Variants in ZNF568 observed in about 807,000 individuals in gnomAD.
ZNF568 encodes p53 inhibitor of SCO2 activation.
A neutral mutation model predicts 18.1 loss-of-function variants in ZNF568; 11 were observed. The ratio of observed to expected loss-of-function variants is 0.61; its 90% CI spans 0.38 to 1.00. The LOEUF (loss-of-function observed/expected upper bound fraction) is 1.00. ZNF568 is among the 50% of genes least tolerant of loss of function. ZNF568 has a pLI of 0.01. For missense variants in ZNF568, 639 were observed against 768.2 expected (o/e 0.83, Z 1.99); for synonymous variants, 213 against 246.6 (o/e 0.86, Z 1.28).
At chr19:36,957,467 G>A (rs548645580), downstream of ZNF568, among the ~76,000 whole-genome samples, 1 of 152,138 alleles carries the variant, frequency 6.6e-6, no homozygotes, top group Admixed American at 6.5e-5. Context: ...CCTGACCTCA[G>A]GTGATCCGCC....
intron 2 of ZNF568, among the ~76,000 whole-genome samples, chr19:36,988,885 G>A (rs948005007): frequency 1.3e-5 from 2 of 151,984 alleles, no homozygotes; most frequent in Non-Finnish European, 2.9e-5. Flanking sequence ...TAGCTATTTT[G>A]TAATATACAA....
intron 6 of ZNF568, among the ~76,000 whole-genome samples, chr19:36,964,384 TG>T (rs2074178433): frequency 6.6e-6 from 1 of 152,218 alleles, no homozygotes; most frequent in Admixed American, 6.5e-5. Context: ...TAAGATCTCC[TG>T]GTGTCCAGAA....
downstream of ZNF568, among the ~76,000 whole-genome samples, chr19:36,984,679 T>C (rs1348874436): frequency 6.6e-6 from 1 of 152,102 alleles, no homozygotes; most frequent in Non-Finnish European, 1.5e-5. Context: ...CTCTCTGATT[T>C]TGGTGTTTGT....
intron 6 of ZNF568, among the ~76,000 whole-genome samples, chr19:36,963,623 C>A (rs1182522680): frequency 6.6e-6 from 1 of 152,072 alleles, no homozygotes; most frequent in East Asian, 1.9e-4. Context: ...ATGACTGGTG[C>A]CCTATTTCAG....
At position 36,920,043 on chromosome 19, in the gene ZNF568, G is replaced by A. The variant is rs540752318; in HGVS notation, c.-186+2395G>A. On this transcript the variant is annotated intron_variant, in intron 2 of 6. Transcript: ENST00000333987. ...TCCTTCAGGAGGTATTCCAGAAGAA[G>A]GCATTGTTATCATAGAATGTGATAG... Among the ~76,000 whole-genome samples the A allele has an allele frequency of 6.6e-5, 10 of 152,166 alleles. No individual in the cohort carries two copies. The East Asian group carries it at 1.7e-3, about 26-fold the overall frequency.
At chr19:36,979,448 A>G (rs1429650841) in exon 8 of ZNF568, 1 of 152,140 alleles carries the variant, frequency 6.6e-6, no homozygotes, top group Non-Finnish European at 1.5e-5. Flanking sequence ...TAGCTGTCAG[A>G]GGTATCTGTT....
intron 6 of ZNF568, among the ~76,000 whole-genome samples, chr19:36,946,494 C>T (rs1335354979): frequency 6.6e-6 from 1 of 151,880 alleles, no homozygotes; most frequent in East Asian, 1.9e-4. Context: ...TTAAATGATA[C>T]CCTCAAAATT....
intron 6 of ZNF568, among the ~76,000 whole-genome samples, chr19:36,964,243 G>C (rs1171196524): frequency 6.6e-6 from 1 of 151,916 alleles, no homozygotes; most frequent in Non-Finnish European, 1.5e-5. Flanking sequence ...CAGTAACTTT[G>C]TAAGATCTCC....
downstream of ZNF568, among the ~76,000 whole-genome samples, chr19:36,954,084 C>T (rs138543718): frequency 6.3e-3 from 953 of 150,800 alleles, 28 homozygotes; most frequent in East Asian, 0.05. Flanking sequence ...ATTAGCTGGG[C>T]GTGGTGGTGC....
intron 6 of ZNF568, among the ~76,000 whole-genome samples, chr19:36,964,886 G>C (rs139581408): frequency 1.3e-5 from 2 of 152,134 alleles, no homozygotes; most frequent in African/African-American, 4.8e-5. Flanking sequence ...TGACAACCAT[G>C]TCCCCTGAGG....
chr19:36,993,069 G>A (rs1173314643), intron 4 of ZNF568, among the ~76,000 whole-genome samples: 1 of 152,100 alleles, frequency 6.6e-6, no homozygotes, highest in African/African-American at 2.4e-5. Flanking sequence ...CTACTTTTAG[G>A]CTATTTTGTA....
intron 6 of ZNF568, among the ~76,000 whole-genome samples, chr19:36,944,060 T>C (rs2073924562): frequency 6.6e-6 from 1 of 152,062 alleles, no homozygotes; most frequent in African/African-American, 2.4e-5. Flanking sequence ...TTATTGGTTC[T>C]ATAGCTTTTA....
intron 4 of ZNF568, among the ~76,000 whole-genome samples, chr19:36,927,897 ATATATATTTTTTTTTTTT>A (rs2073604363): frequency 1.6e-4 from 4 of 24,720 alleles, no homozygotes; most frequent in African/African-American, 7.5e-4. Flanking sequence ...TTATATATAT[ATATATATTTTTTTTTTTT>A]TTTTTTTTTT....
At chr19:36,941,168 G>A (rs2073873586) in intron 6 of ZNF568, among the ~76,000 whole-genome samples, 1 of 152,174 alleles carries the variant, frequency 6.6e-6, no homozygotes, top group Non-Finnish European at 1.5e-5. Flanking sequence ...AACAGAATAT[G>A]AAGGTTAAAA....
chr19:36,962,287 T>TTG (rs1555736288), intron 6 of ZNF568, among the ~76,000 whole-genome samples: 2 of 143,020 alleles, frequency 1.4e-5, no homozygotes, highest in Admixed American at 1.4e-4. Flanking sequence ...GTTTTTTTTT[T>TTG]TTTTTTTTTT....
chr19:36,946,757 A>T, intron 6 of ZNF568, among the ~76,000 whole-genome samples: 1 of 145,606 alleles, frequency 6.9e-6, no homozygotes, highest in East Asian at 2.0e-4. Flanking sequence ...GGTTCACGCG[A>T]TTCTCCTGCC....
At chr19:36,971,674 G>C (rs2074236597) in intron 6 of ZNF568, among the ~76,000 whole-genome samples, 1 of 152,052 alleles carries the variant, frequency 6.6e-6, no homozygotes, top group South Asian at 2.1e-4. Context: ...TAGTAGCTGG[G>C]ACTACAGGTG....
intron 6 of ZNF568, among the ~76,000 whole-genome samples, chr19:36,972,007 G>C (rs1412211183): frequency 1.3e-5 from 2 of 151,208 alleles, no homozygotes; most frequent in Admixed American, 6.6e-5. Context: ...GGTAAATTTT[G>C]TATTTTTAGT....
chr19:36,945,136 C>A (rs2073941234), intron 6 of ZNF568, among the ~76,000 whole-genome samples: 1 of 151,432 alleles, frequency 6.6e-6, no homozygotes, highest in Non-Finnish European at 1.5e-5. Flanking sequence ...GTGAAAAAAA[C>A]TCAGCGTAGA....
Sources: gnomAD v4.1 joint callset for allele counts (sites outside exome capture counted in the v4.1 genomes callset) on GRCh38, gnomAD v4.1.1 for gene constraint, MANE v1.5 for transcripts, NCBI Gene and HGNC (gene_info 2026-07-23, HGNC 2026-07-21) for gene names.